The following CEP85 variants were observed in gnomAD, a reference collection of about 807,000 sequenced individuals.
CEP85 encodes centrosomal protein of 85 kDa.
A neutral mutation model predicts 93.7 loss-of-function variants in CEP85; 58 were observed. The observed-to-expected ratio is 0.62, with a 90% CI of 0.50 to 0.77. CEP85 has a LOEUF of 0.77. CEP85 is among the 30% of genes least tolerant of loss of function. The pLI, the probability that CEP85 is intolerant of heterozygous loss-of-function variation, is 0.00. For synonymous variants in CEP85, 314 were observed against 338.6 expected (o/e 0.93, Z 0.80); for missense variants, 868 against 922.0 (o/e 0.94, Z 0.76).
rs35371325 is a variant in CEP85 at position 26,277,392 on chromosome 1, G to GAA, written c.*99_*100insAA. 0.16 allele frequency: 198,756 copies of GAA among 1,222,086 alleles called. 16,943 individuals carry two copies. Among genetic ancestry groups the GAA allele is most frequent in the Middle Eastern group, 0.18 (651 of 3,664 alleles). The allele number at this position is 1,222,086 out of a possible 1,614,324, so 75.7% of individuals were successfully genotyped here. A position where few individuals can be genotyped will look rare whatever the true frequency, so the allele number is the denominator to read the frequency against. ...TTCTCTTGTCTGCTATTCCCAGAGAGGTCTCAGAGGGGAGGGGAGAGCCTG... is the reference window on the plus strand; with the variant it reads ...TTCTCTTGTCTGCTATTCCCAGAGAGAAGTCTCAGAGGGGAGGGGAGAGCCTG... On this transcript the variant is annotated 3_prime_UTR_variant, in exon 14 of 14. Coordinates refer to ENST00000451429, the MANE Select transcript of CEP85 (RefSeq NM_001319944.2).
At chr1:26,265,974 G>A (rs1422583438) in intron 7 of CEP85, among the ~76,000 whole-genome samples, 4 of 151,974 alleles carry the variant, frequency 2.6e-5, no homozygotes, top group African/African-American at 9.7e-5. Flanking sequence ...TTGGGAGGCC[G>A]AGGTGGGTGG....
intron 3 of CEP85, among the ~76,000 whole-genome samples, chr1:26,249,865 C>T (rs1254935100): frequency 6.6e-6 from 1 of 152,064 alleles, no homozygotes; most frequent in Non-Finnish European, 1.5e-5. Flanking sequence ...TCACATATCC[C>T]ATGCATTGTA....
intron 2 of CEP85, among the ~76,000 whole-genome samples, chr1:26,240,968 A>G (rs2089413694): frequency 6.6e-6 from 1 of 152,152 alleles, no homozygotes; most frequent in Non-Finnish European, 1.5e-5. Context: ...ACATAAATAT[A>G]TGTATGCACT....
intron 10 of CEP85, 58 bp from the exon 11 acceptor site, chr1:26,271,963 C>CTCT (rs1263405488): frequency 6.5e-7 from 1 of 1,530,678 alleles, no homozygotes; most frequent in East Asian, 2.3e-5. Context: ...CCCCCTTGCC[C>CTCT]TCTGTCCTCA....
In CEP85 at chr1:26,277,118, T is replaced by C. The variant is rs1205306051; in HGVS notation, c.2129-18T>C. ...TCTCATAACTAACATTCTCTTGAAA[T>C]GCTCTTCTCCCCAGCAGCACAGCAC... On this transcript the variant is annotated intron_variant, in intron 13 of 13. Transcript: ENST00000451429. 5 of 1,608,378 alleles carry C rather than the reference T, an allele frequency of 3.1e-6. No homozygotes were observed. The African/African-American group carries it at 6.7e-5, about 21-fold the overall frequency.
At chr1:26,258,327 CAT>C (rs1183610022) in intron 6 of CEP85, 67 bp downstream of exon 6, 1 of 989,058 alleles carries the variant, frequency 1.0e-6, no homozygotes, top group Non-Finnish European at 1.6e-6. Context: ...TGCTTGACAC[CAT>C]TAGGTATCCA....
At chr1:26,234,716 G>C (rs1181888091) in intron 1 of CEP85, among the ~76,000 whole-genome samples, 1 of 152,218 alleles carries the variant, frequency 6.6e-6, no homozygotes, top group Non-Finnish European at 1.5e-5. Flanking sequence ...CAGAAGGCGC[G>C]GATCTAGTCG....
At chr1:26,238,494 C>G (rs1474348707) in intron 1 of CEP85, among the ~76,000 whole-genome samples, 1 of 151,798 alleles carries the variant, frequency 6.6e-6, no homozygotes, top group Non-Finnish European at 1.5e-5. Context: ...CTGAGCCCGG[C>G]CGAATTGTCC....
intron 7 of CEP85, among the ~76,000 whole-genome samples, chr1:26,261,125 C>G (rs2089801026): frequency 6.6e-6 from 1 of 151,752 alleles, no homozygotes; most frequent in African/African-American, 2.4e-5. Context: ...CCAGGTGATG[C>G]TGATGTTGTT....
Position 26,259,778 on chromosome 1 carries a change from G to C in CEP85, c.1317G>C (p.Glu439Asp). The C allele has an allele frequency of 1.2e-6, 2 of 1,612,234 alleles. No homozygotes were observed. Among genetic ancestry groups the C allele is most frequent in the Non-Finnish European group, 1.7e-6 (2 of 1,179,378 alleles). ...SLKVALQKHS[E>D]EVKKQEERVK... ...AAGTGGCGTTGCAGAAGCATTCTGAGGAAGTGAAGAAACAGGAAGAAAGGG... is the reference window on the plus strand; with the variant it reads ...AAGTGGCGTTGCAGAAGCATTCTGACGAAGTGAAGAAACAGGAAGAAAGGG... Residue 439 changes from glutamate to aspartate, a missense_variant, in exon 7 of 14, where the codon GAG (glutamate) becomes GAC (aspartate). Glu to Asp is a conservative substitution (Grantham distance 45, BLOSUM62 2). Transcript: ENST00000451429.
At position 26,277,479 on chromosome 1, in the gene CEP85, C is replaced by G; in HGVS notation, c.*186C>G. ...CTACCCACACTGGCATGTTGGATTA[C>G]GTTTGTCCTGTTAATTCACTCTAGA... On this transcript the variant is annotated 3_prime_UTR_variant, in exon 14 of 14. Coordinates refer to ENST00000451429, the MANE Select transcript of CEP85 (RefSeq NM_001319944.2). 1 of 562,542 alleles carries G rather than the reference C, an allele frequency of 1.8e-6. No homozygotes were observed. Among genetic ancestry groups the G allele is most frequent in the Non-Finnish European group, 3.2e-6 (1 of 309,648 alleles). 34.8% of individuals were successfully genotyped at this position (562,542 alleles called of 1,614,324 possible).
intron 1 of CEP85, among the ~76,000 whole-genome samples, chr1:26,236,323 A>C (rs2089326078): frequency 6.6e-6 from 1 of 152,182 alleles, no homozygotes; most frequent in Non-Finnish European, 1.5e-5. Flanking sequence ...AATGCATGTT[A>C]AATTTGTTGA....
At chr1:26,257,497 C>T in intron 4 of CEP85, 100 bp from the exon 5 acceptor site, 1 of 1,417,084 alleles carries the variant, frequency 7.1e-7, no homozygotes, top group Non-Finnish European at 9.6e-7. Context: ...CAGGCTGAGC[C>T]AAGTTGGGCT....
In CEP85 at chr1:26,276,705, G is replaced by C; in HGVS notation, c.2073G>C (p.Val691=). The C allele has an allele frequency of 6.2e-7, 1 of 1,614,164 alleles. No homozygotes were observed. Among genetic ancestry groups the C allele is most frequent in the South Asian group, 1.1e-5 (1 of 91,072 alleles). The part of the protein sequence containing the change: ...LQDLQAVCSI[V]TQRAQGHDPN... ...ATCTGCAGGCTGTCTGTAGCATTGT[G>C]ACCCAGAGGGCCCAGGGCCATGACC... Residue 691 remains valine, a synonymous_variant, in exon 13 of 14, where the codon GTG becomes GTC. Transcript: ENST00000451429.
intron 7 of CEP85, among the ~76,000 whole-genome samples, chr1:26,261,201 C>G (rs181683424): frequency 3.3e-4 from 50 of 151,514 alleles, no homozygotes; most frequent in African/African-American, 1.2e-3. Context: ...GGCTGGGCGC[C>G]GTGGCTCATG....
chr1:26,277,521 A>C lies in CEP85; in HGVS notation c.*228A>C. On this transcript the variant is annotated 3_prime_UTR_variant, in exon 14 of 14. Coordinates refer to ENST00000451429, the MANE Select transcript of CEP85 (RefSeq NM_001319944.2). ...CACTCTAGACGGTGAGTTACTAATT[A>C]ACTTTTGGCAGGTACAACAGATAAG... The C allele has an allele frequency of 2.2e-6, 1 of 452,398 alleles. No homozygotes were observed. Among genetic ancestry groups the C allele is most frequent in the Non-Finnish European group, 4.1e-6 (1 of 245,132 alleles). The allele number at this position is 452,398 out of a possible 1,614,324, so 28.0% of individuals were successfully genotyped here.
Position 26,276,590 on chromosome 1 carries a change from T to A in CEP85, c.1958T>A (p.Leu653Gln). ...AAGAATCTGACACTCCAGGAACACC[T>A]GCGCCAGGCCCAACCAGGGTCTCCA... is the stretch of plus-strand genomic sequence containing the variant. ...IEKNLTLQEH[L>Q]RQAQPGSPPS... is the part of the protein sequence containing the mutation. The change falls in exon 13 of 14, where the codon CTG (leucine) becomes CAG (glutamine). Residue 653 changes from leucine (L) to glutamine (Q), a missense_variant. Transcript: ENST00000451429. 1 of 1,614,206 alleles carries A rather than the reference T, an allele frequency of 6.2e-7. No individual in the cohort carries two copies. Among genetic ancestry groups the A allele is most frequent in the South Asian group, 1.1e-5 (1 of 91,088 alleles).
chr1:26,265,088 A>C (rs2089874245), intron 7 of CEP85, among the ~76,000 whole-genome samples: 1 of 146,732 alleles, frequency 6.8e-6, no homozygotes, highest in Admixed American at 7.0e-5. Context: ...GGTTCAAGCG[A>C]TTCTCCTGCC....
chr1:26,260,607 C>T (rs1412477202), intron 7 of CEP85, among the ~76,000 whole-genome samples: 1 of 152,094 alleles, frequency 6.6e-6, no homozygotes, highest in Non-Finnish European at 1.5e-5. Flanking sequence ...TTGGTATCTC[C>T]CAATTCACGG....
Sources: allele counts gnomAD v4.1 joint callset (sites outside exome capture counted in the v4.1 genomes callset), GRCh38; gene constraint gnomAD v4.1.1; transcripts MANE v1.5; gene names NCBI Gene and HGNC (gene_info 2026-07-23, HGNC 2026-07-21).